STIM2: variants seen among roughly 807,000 people sequenced by gnomAD.
STIM2 encodes the protein stromal interaction molecule 2.
In STIM2, 31 loss-of-function variants were observed where a neutral mutation model predicts 85.8. That is an observed-to-expected ratio of 0.36 (90% CI 0.27 to 0.49). The LOEUF is 0.49. Among genes scored for constraint, STIM2 ranks in the 20% least tolerant of loss-of-function variants. The pLI is 0.98. For synonymous variants in STIM2, 356 were observed against 331.1 expected, an observed-to-expected ratio of 1.08 and a Z score of -0.82; for missense variants, 841 against 927.6, an observed-to-expected ratio of 0.91 and a Z score of 1.21.
chr4:27,007,522 C>T lies in STIM2; in HGVS notation c.982-11C>T. On this transcript the variant is annotated splice_polypyrimidine_tract_variant and intron_variant, in intron 7 of 11. Coordinates refer to ENST00000467087, the MANE Select transcript of STIM2 (RefSeq NM_020860.4). ...CTCTCCTTTCTTGCCTCCTTCCTTTCCTTCTTCTAGGTTCGCATGGCTCTG... is the reference window on the plus strand; with the variant it reads ...CTCTCCTTTCTTGCCTCCTTCCTTTTCTTCTTCTAGGTTCGCATGGCTCTG... The T allele has an allele frequency of 6.7e-7, 1 of 1,484,890 alleles. No homozygotes were observed. Among genetic ancestry groups the T allele is most frequent in the Non-Finnish European group, 9.0e-7 (1 of 1,110,878 alleles). 92.0% of individuals were successfully genotyped at this position (1,484,890 alleles called of 1,614,324 possible).
At chr4:26,888,196 A>G (rs1344002597) in intron 1 of STIM2, among the ~76,000 whole-genome samples, 1 of 152,218 alleles carries the variant, frequency 6.6e-6, no homozygotes, top group African/African-American at 2.4e-5. Context: ...GTCATAGTCC[A>G]TCCTTGTCAA....
intron 3 of STIM2, among the ~76,000 whole-genome samples, chr4:26,973,588 A>G (rs542822205): frequency 1.3e-5 from 2 of 152,282 alleles, no homozygotes; most frequent in Non-Finnish European, 2.9e-5. Context: ...ATTTGATCGC[A>G]CTGTGGTCTG....
chr4:26,953,855 C>T (rs1321097659), intron 2 of STIM2, among the ~76,000 whole-genome samples: 1 of 152,090 alleles, frequency 6.6e-6, no homozygotes, highest in East Asian at 1.9e-4. Flanking sequence ...AAGTCCAGAG[C>T]CATGGCCAAG....
At chr4:26,879,864 A>G (rs193128979) in intron 1 of STIM2, among the ~76,000 whole-genome samples, 15 of 152,206 alleles carry the variant, frequency 9.9e-5, no homozygotes, top group African/African-American at 3.6e-4. Flanking sequence ...AGTAAATACT[A>G]TGGGTTCTAG....
At chr4:26,995,710 A>G (rs1727939797) in intron 4 of STIM2, among the ~76,000 whole-genome samples, 1 of 152,104 alleles carries the variant, frequency 6.6e-6, no homozygotes, top group South Asian at 2.1e-4. Context: ...TCCAAGGAAC[A>G]TGATTTTGAG....
chr4:27,018,500 G>T (rs553856234), intron 11 of STIM2, among the ~76,000 whole-genome samples: 5 of 152,224 alleles, frequency 3.3e-5, no homozygotes, highest in African/African-American at 1.2e-4. Context: ...AATGTAAAAG[G>T]CTCCCCTGGA....
At chr4:27,015,534 ATACTT>A (rs1448054263) in intron 10 of STIM2, among the ~76,000 whole-genome samples, 1 of 151,958 alleles carries the variant, frequency 6.6e-6, no homozygotes, top group Non-Finnish European at 1.5e-5. Flanking sequence ...TTGCCTGAAA[ATACTT>A]TATTTTCAGT....
chr4:26,919,162 T>C (rs1724702846), intron 1 of STIM2, among the ~76,000 whole-genome samples: 1 of 151,882 alleles, frequency 6.6e-6, no homozygotes, highest in African/African-American at 2.4e-5. Context: ...CATTTGTTTT[T>C]TTGGTAGGGG....
intron 1 of STIM2, among the ~76,000 whole-genome samples, chr4:26,903,398 A>C (rs976798225): frequency 2.0e-4 from 31 of 152,266 alleles, no homozygotes; most frequent in African/African-American, 7.5e-4. Flanking sequence ...CACTAGCTGA[A>C]CGGTTTTGTT....
chr4:27,007,480 A>G, intron 7 of STIM2, 53 bp from the exon 8 acceptor site: 4 of 1,276,096 alleles, frequency 3.1e-6, no homozygotes, highest in Non-Finnish European at 4.2e-6. Context: ...AAATATTTTA[A>G]TCCTTCCTTC....
intron 2 of STIM2, among the ~76,000 whole-genome samples, chr4:26,950,507 C>T (rs951391193): frequency 6.6e-6 from 1 of 152,020 alleles, no homozygotes; most frequent in Non-Finnish European, 1.5e-5. Context: ...GGTGCTTAGA[C>T]TATGAGGGGA....
At chr4:26,948,196 A>C (rs568081983) in intron 2 of STIM2, among the ~76,000 whole-genome samples, 1 of 152,084 alleles carries the variant, frequency 6.6e-6, no homozygotes, top group Non-Finnish European at 1.5e-5. Context: ...CTCCCTGTAT[A>C]TCTCTCAACA....
chr4:27,020,950 C>T (rs1346268011), intron 11 of STIM2: 2 of 1,508,124 alleles, frequency 1.3e-6, no homozygotes, highest in Non-Finnish European at 1.8e-6. Flanking sequence ...CCACTTTTTA[C>T]CTTGACTCTC....
At chr4:26,973,833 T>C (rs1014524079) in intron 3 of STIM2, among the ~76,000 whole-genome samples, 1 of 152,188 alleles carries the variant, frequency 6.6e-6, no homozygotes, top group Admixed American at 6.5e-5. Context: ...ATATTGACAG[T>C]GGGTTGTTAA....
intron 10 of STIM2, among the ~76,000 whole-genome samples, chr4:27,013,926 T>G (rs1728645921): frequency 6.6e-6 from 1 of 152,008 alleles, no homozygotes; most frequent in Non-Finnish European, 1.5e-5. Context: ...TAGTATTAAT[T>G]TAACTTCTTT....
chr4:26,973,931 G>T (rs1727078248), intron 3 of STIM2, among the ~76,000 whole-genome samples: 1 of 152,166 alleles, frequency 6.6e-6, no homozygotes, highest in East Asian at 1.9e-4. Flanking sequence ...CCTGTATTGG[G>T]TGCATATATA....
At chr4:27,013,201 G>A (rs11735659) in intron 10 of STIM2, among the ~76,000 whole-genome samples, 4,060 of 149,942 alleles carry the variant, frequency 0.027, 66 homozygotes, top group Non-Finnish European at 0.034. Flanking sequence ...CTAGTTACCT[G>A]TGGTCAACTG....
rs747284811 is a variant in STIM2, at chr4:26,861,219, TTGC to T, written c.4_6del (p.Leu2?). 2.0e-6 allele frequency: 3 copies of T among 1,485,256 alleles called. No individual in the cohort carries two copies. Among genetic ancestry groups the T allele is most frequent in the Non-Finnish European group, 2.7e-6 (3 of 1,123,798 alleles). 92.0% of individuals were successfully genotyped at this position (1,485,256 alleles called of 1,614,324 possible). On this transcript the variant is annotated start_lost and inframe_deletion, in exon 1 of 12. Transcript: ENST00000467087. ...GCTGCGGCGGCGGCGCTGGGCTGCGTTGCTGGTGCTCGGGCTGCTGGTAGCCGG... is the reference window on the plus strand; with the variant it reads ...GCTGCGGCGGCGGCGCTGGGCTGCGTTGGTGCTCGGGCTGCTGGTAGCCGG...
At chr4:26,870,768 C>T (rs571010966) in intron 1 of STIM2, among the ~76,000 whole-genome samples, 51 of 152,222 alleles carry the variant, frequency 3.4e-4, no homozygotes, top group African/African-American at 1.2e-3. Context: ...GGCATACCCA[C>T]TTAAAGGGTG....
Sources: gnomAD v4.1 joint callset for allele counts (sites outside exome capture counted in the v4.1 genomes callset) on GRCh38, gnomAD v4.1.1 for gene constraint, MANE v1.5 for transcripts, NCBI Gene and HGNC (gene_info 2026-07-23, HGNC 2026-07-21) for gene names.